Variants in HDAC9 observed in about 807,000 individuals in gnomAD.
HDAC9 encodes histone deacetylase 9, also known as MEF-2 interacting transcription repressor (MITR) protein.
Under a neutral mutation model 139.4 loss-of-function variants are expected in HDAC9, and 41 were observed. The ratio of observed to expected loss-of-function variants is 0.29; its 90% CI spans 0.23 to 0.38. The LOEUF (loss-of-function observed/expected upper bound fraction) is 0.38. HDAC9 is among the 10% of genes least tolerant of loss of function. The pLI, the probability that HDAC9 is intolerant of heterozygous loss-of-function variation, is 1.00. For missense variants in HDAC9, 1,147 were observed against 1,297.0 expected, an observed-to-expected ratio of 0.88 and a Z score of 1.78; for synonymous variants, 517 against 476.2, an observed-to-expected ratio of 1.09 and a Z score of -1.12.
chr7:18,910,909 CTTATT>C (rs1423592967), intron 22 of HDAC9, among the ~76,000 whole-genome samples: 3 of 151,658 alleles, frequency 2.0e-5, no homozygotes, highest in Non-Finnish European at 2.9e-5. Flanking sequence ...CTATAGTTTT[CTTATT>C]TTGTTTTGTC....
intron 1 of HDAC9, among the ~76,000 whole-genome samples, chr7:18,456,698 C>T (rs1350426371): frequency 1.3e-5 from 2 of 152,184 alleles, no homozygotes; most frequent in Non-Finnish European, 2.9e-5. Context: ...CTCTACACCA[C>T]CTCTCTTCCT....
chr7:18,386,775 AAAG>A (rs1286308846), intron 1 of HDAC9, among the ~76,000 whole-genome samples: 4 of 152,356 alleles, frequency 2.6e-5, no homozygotes, highest in East Asian at 1.9e-4. Flanking sequence ...TCCTCAGAGA[AAAG>A]AAGATTACAC....
At chr7:18,096,822 A>G (rs555922652) in intron 1 of HDAC9, among the ~76,000 whole-genome samples, 14 of 151,456 alleles carry the variant, frequency 9.2e-5, no homozygotes, top group African/African-American at 3.4e-4. Flanking sequence ...TAGCACAGCA[A>G]CTCTCACATG....
At chr7:18,377,383 T>G (rs183942455) in intron 1 of HDAC9, among the ~76,000 whole-genome samples, 117 of 152,316 alleles carry the variant, frequency 7.7e-4, no homozygotes, top group African/African-American at 2.8e-3. Context: ...GAGGTTTCCT[T>G]TAAAAATGAG....
At chr7:18,631,778 A>G (rs1273314013) in intron 7 of HDAC9, among the ~76,000 whole-genome samples, 6 of 151,870 alleles carry the variant, frequency 4.0e-5, no homozygotes, top group South Asian at 2.1e-4. Flanking sequence ...CCCTACTCCA[A>G]CATCCTTATT....
chr7:18,569,650 T>A (rs371479993), intron 2 of HDAC9, among the ~76,000 whole-genome samples: 8 of 152,198 alleles, frequency 5.3e-5, no homozygotes, highest in African/African-American at 1.9e-4. Flanking sequence ...TCTAATTAAA[T>A]AGAAGCCATG....
At chr7:18,306,298 T>C (rs1023612796) in intron 1 of HDAC9, among the ~76,000 whole-genome samples, 3 of 152,204 alleles carry the variant, frequency 2.0e-5, no homozygotes, top group African/African-American at 2.4e-5. Flanking sequence ...TCAGCACTTC[T>C]GGCCACTGAA....
At chr7:18,568,812 C>A (rs1823311062) in intron 2 of HDAC9, among the ~76,000 whole-genome samples, 1 of 152,050 alleles carries the variant, frequency 6.6e-6, no homozygotes, top group African/African-American at 2.4e-5. Flanking sequence ...CTTTGGGAGG[C>A]CGAGGCGGGT....
At chr7:18,310,503 T>G (rs1045002915) in intron 1 of HDAC9, among the ~76,000 whole-genome samples, 1 of 152,046 alleles carries the variant, frequency 6.6e-6, no homozygotes, top group Non-Finnish European at 1.5e-5. Context: ...CATGTACAAA[T>G]CAGAAATGCC....
chr7:18,508,687 TTC>T (rs1800533397), intron 2 of HDAC9, among the ~76,000 whole-genome samples: 5 of 152,310 alleles, frequency 3.3e-5, no homozygotes, highest in Admixed American at 3.3e-4. Flanking sequence ...AGCAAACAGT[TTC>T]TCTTTCTCAG....
intron 1 of HDAC9, among the ~76,000 whole-genome samples, chr7:18,362,082 A>C (rs1259184601): frequency 6.6e-6 from 1 of 152,148 alleles, no homozygotes; most frequent in Non-Finnish European, 1.5e-5. Flanking sequence ...CACATTCTCC[A>C]ATTCTCCTAG....
intron 3 of HDAC9, among the ~76,000 whole-genome samples, chr7:18,587,948 A>G (rs1829916118): frequency 6.6e-6 from 1 of 152,234 alleles, no homozygotes; most frequent in Admixed American, 6.5e-5. Context: ...TGACCAACCC[A>G]AGTATCTATA....
intron 1 of HDAC9, among the ~76,000 whole-genome samples, chr7:18,126,252 G>T (rs1384150130): frequency 1.3e-5 from 2 of 152,116 alleles, no homozygotes; most frequent in Non-Finnish European, 2.9e-5. Context: ...CTTTGTAAAA[G>T]ATCCTTGAGG....
rs1786581508 is a variant in HDAC9 at position 18,998,402 on chromosome 7, T to C, written c.*2340T>C. On this transcript the variant is annotated 3_prime_UTR_variant, in exon 26 of 26. Transcript: ENST00000686413. ...ATTTAAAACTTGACACATTAATGAG[T>C]TAATCACACATACTCCCATATGACA... 6.6e-6 allele frequency: 1 copy of C among 152,114 alleles called. No individual in the cohort carries two copies. The highest frequency in any genetic ancestry group is 1.5e-5 in the Non-Finnish European group (1 of 68,006). The allele number at this position is 152,114 out of a possible 1,614,324, so 9.4% of individuals were successfully genotyped here. A position where few individuals can be genotyped will look rare whatever the true frequency, so the allele number is the denominator to read the frequency against.
chr7:18,804,914 C>T (rs957941746), intron 17 of HDAC9, among the ~76,000 whole-genome samples: 4 of 152,188 alleles, frequency 2.6e-5, no homozygotes, highest in Non-Finnish European at 5.9e-5. Flanking sequence ...CCAGCCTCAG[C>T]CCCCTGAGTA....
intron 1 of HDAC9, among the ~76,000 whole-genome samples, chr7:18,346,489 T>C (rs1782426579): frequency 6.6e-6 from 1 of 152,168 alleles, no homozygotes; most frequent in Non-Finnish European, 1.5e-5. Context: ...TTTCCTTTCA[T>C]TTATGTTGAA....
chr7:18,193,656 A>G lies in HDAC9; in HGVS notation c.25+31307A>G, dbSNP rs548892685. Among the ~76,000 whole-genome samples, 253 of 152,204 alleles carry G rather than the reference A, an allele frequency of 1.7e-3. 1 individual carries two copies. Among genetic ancestry groups the G allele is most frequent in the Middle Eastern group, 3.4e-3 (1 of 294 alleles). ...AAAGCTCACCTATAATATTTTCTCT[A>G]TATTTGCTCTCATAACACATTGATT... is the stretch of plus-strand genomic sequence containing the variant. On this transcript the variant is annotated intron_variant, in intron 2 of 12. Coordinates refer to the HDAC9 transcript ENST00000417496.
At chr7:18,770,563 G>A (rs1790200272) in intron 16 of HDAC9, among the ~76,000 whole-genome samples, 1 of 152,098 alleles carries the variant, frequency 6.6e-6, no homozygotes, top group Non-Finnish European at 1.5e-5. Context: ...ACAAAAGCAA[G>A]GACGAGCAGG....
intron 13 of HDAC9, among the ~76,000 whole-genome samples, chr7:18,738,549 G>T (rs1239584623): frequency 6.6e-6 from 1 of 152,132 alleles, no homozygotes; most frequent in Non-Finnish European, 1.5e-5. Context: ...GAAATTCTGG[G>T]TTGAAAATTC....
Sources: gnomAD v4.1 joint callset for allele counts (sites outside exome capture counted in the v4.1 genomes callset) on GRCh38, gnomAD v4.1.1 for gene constraint, MANE v1.5 for transcripts, NCBI Gene and HGNC (gene_info 2026-07-23, HGNC 2026-07-21) for gene names.